Variants in FGF12 observed in about 807,000 individuals in gnomAD.
The protein encoded by FGF12 is fibroblast growth factor 12B.
FGF12 carries 14 observed loss-of-function variants against 23.6 expected under a neutral mutation model. The ratio of observed to expected loss-of-function variants is 0.59; its 90% CI spans 0.39 to 0.93. The LOEUF is 0.93. Among genes scored for constraint, FGF12 ranks in the 40% least tolerant of loss-of-function variants. The pLI is 0.00. For missense variants in FGF12, 175 were observed against 217.8 expected (o/e 0.80, Z 1.24); for synonymous variants, 62 against 77.3 (o/e 0.80, Z 1.04).
At chr3:192,476,319 G>A (rs1723322376) in intron 2 of FGF12, among the ~76,000 whole-genome samples, 1 of 150,220 alleles carries the variant, frequency 6.7e-6, no homozygotes, top group Non-Finnish European at 1.5e-5. Context: ...GTTTACAGAT[G>A]AAAAAAAAAT....
chr3:192,207,567 G>A (rs1332885227), intron 4 of FGF12, among the ~76,000 whole-genome samples: 1 of 152,200 alleles, frequency 6.6e-6, no homozygotes, highest in Non-Finnish European at 1.5e-5. Context: ...GAAGTGAAGT[G>A]TGGCTAGAGC....
rs2108776545 is a variant in FGF12 at position 192,408,650 on chromosome 3, T to C, written c.14-48112A>G. 9.7e-6 allele frequency: 10 copies of C among 1,029,634 alleles called. No homozygotes were observed. Among genetic ancestry groups the C allele is most frequent in the Non-Finnish European group, 1.2e-5 (10 of 857,478 alleles). The allele number at this position is 1,029,634 out of a possible 1,614,324, so 63.8% of individuals were successfully genotyped here. On this transcript the variant is annotated intron_variant, in intron 2 of 5. Transcript: ENST00000445105. The surrounding 1 kb of genome is among the most constrained non-coding windows in gnomAD (Gnocchi z 7.3). ...TGCCTCTGTTGGAGAGGCGCAAGCG[T>C]TGTAAGGTGTCCAAAGTATACCTAC...
intron 2 of FGF12, among the ~76,000 whole-genome samples, chr3:192,628,777 G>A (rs1036369870): frequency 3.3e-5 from 5 of 149,600 alleles, no homozygotes; most frequent in African/African-American, 1.2e-4. Flanking sequence ...AAAAGTTGAC[G>A]CAAAAGTAAT....
chr3:192,276,917 A>G (rs1360887756), intron 4 of FGF12, among the ~76,000 whole-genome samples: 1 of 152,098 alleles, frequency 6.6e-6, no homozygotes, highest in Non-Finnish European at 1.5e-5. Flanking sequence ...GAGTTTCCCT[A>G]CTCAGTCTAT....
At chr3:192,242,718 A>C (rs1177058101) in intron 4 of FGF12, among the ~76,000 whole-genome samples, 1 of 152,124 alleles carries the variant, frequency 6.6e-6, no homozygotes, top group Non-Finnish European at 1.5e-5. Context: ...CTCAAAAAAA[A>C]GTTAAAACCA....
chr3:192,384,872 G>A (rs1050584502), intron 2 of FGF12, among the ~76,000 whole-genome samples: 1 of 152,076 alleles, frequency 6.6e-6, no homozygotes, highest in Non-Finnish European at 1.5e-5. Context: ...GTAGAGAGAG[G>A]GTGAAAAGTG....
intron 4 of FGF12, among the ~76,000 whole-genome samples, chr3:192,217,339 T>C (rs1356912535): frequency 6.6e-6 from 1 of 152,212 alleles, no homozygotes; most frequent in African/African-American, 2.4e-5. Flanking sequence ...TAAGTACTTT[T>C]TCCATATTCT....
intron 2 of FGF12, among the ~76,000 whole-genome samples, chr3:192,564,982 C>G (rs1712210274): frequency 6.6e-6 from 1 of 152,198 alleles, no homozygotes; most frequent in Non-Finnish European, 1.5e-5. Context: ...CTACTGATCT[C>G]AAAACTACTG....
rs188252677 is a variant in FGF12, at chr3:192,269,411, A to G, written c.228+65950T>C. Among the ~76,000 whole-genome samples the G allele has an allele frequency of 3.0e-3, 450 of 152,322 alleles. 3 individuals carry two copies. Among genetic ancestry groups the G allele is most frequent in the Middle Eastern group, 0.017 (5 of 294 alleles). On this transcript the variant is annotated intron_variant, in intron 4 of 5. Coordinates refer to ENST00000445105, the MANE Select transcript of FGF12 (RefSeq NM_004113.6). ...ACAGCCATTTGTTGATCGTATACAC[A>G]GTACTGGTTAAATGTGAACTCTGCA...
At chr3:192,176,654 T>C (rs1386945509) in intron 4 of FGF12, among the ~76,000 whole-genome samples, 1 of 152,210 alleles carries the variant, frequency 6.6e-6, no homozygotes, top group African/African-American at 2.4e-5. Context: ...AATTCTCACA[T>C]TAAAAATGTT....
intron 2 of FGF12, among the ~76,000 whole-genome samples, chr3:192,581,329 G>A (rs529500001): frequency 2.4e-4 from 36 of 151,896 alleles, no homozygotes; most frequent in Admixed American, 1.3e-3. Flanking sequence ...ACTTTGGGAG[G>A]CTGAGGCAGG....
intron 2 of FGF12, among the ~76,000 whole-genome samples, chr3:192,468,556 T>G (rs560993253): frequency 1.3e-5 from 2 of 152,336 alleles, no homozygotes; most frequent in East Asian, 3.9e-4. Flanking sequence ...CGCATTTTTT[T>G]GAAAGGATGC....
chr3:192,640,318 A>C (rs1227459806), intron 2 of FGF12, among the ~76,000 whole-genome samples: 1 of 152,250 alleles, frequency 6.6e-6, no homozygotes, highest in Admixed American at 6.5e-5. Flanking sequence ...ATCATGTTGT[A>C]TATATCAAAT....
rs1713461886 is a variant in FGF12 at position 192,142,617 on chromosome 3, T to C, written c.*1392A>G. 6.7e-6 allele frequency: 1 copy of C among 148,550 alleles called. No individual in the cohort carries two copies. The highest frequency in any genetic ancestry group is 2.6e-5 in the African/African-American group (1 of 37,804). The allele number at this position is 148,550 out of a possible 1,614,324, so 9.2% of individuals were successfully genotyped here. On this transcript the variant is annotated 3_prime_UTR_variant, in exon 6 of 6. Transcript: ENST00000445105. ...TCTTCCTTGATTTTTAAAAATACTT[T>C]AGTATTCTTAACTATGTATGTGCCT...
chr3:192,285,920 A>G (rs951141129), intron 4 of FGF12, among the ~76,000 whole-genome samples: 1 of 152,064 alleles, frequency 6.6e-6, no homozygotes, highest in Non-Finnish European at 1.5e-5. Flanking sequence ...CTGGAGATAC[A>G]AAAATTAGCA....
chr3:192,333,825 C>T (rs1717250153), intron 4 of FGF12, among the ~76,000 whole-genome samples: 1 of 152,026 alleles, frequency 6.6e-6, no homozygotes, highest in Non-Finnish European at 1.5e-5. Flanking sequence ...GGGAGAATTA[C>T]AGGGTGATTA....
chr3:192,432,620 C>CAAAAAAAAAAAAAAAAAAAAAAAAAA (rs201364119), intron 2 of FGF12, among the ~76,000 whole-genome samples: 2 of 106,728 alleles, frequency 1.9e-5, no homozygotes, highest in Admixed American at 9.9e-5. Flanking sequence ...TGACATCTGG[C>CAAAAAAAAAAAAAAAAAAAAAAAAAA]AAAAAAAAAA....
At chr3:192,377,623 T>A (rs1719580944) in intron 2 of FGF12, among the ~76,000 whole-genome samples, 1 of 152,160 alleles carries the variant, frequency 6.6e-6, no homozygotes, top group Non-Finnish European at 1.5e-5. Context: ...ATCATTGTGG[T>A]TAGAACTGTG....
intron 2 of FGF12, among the ~76,000 whole-genome samples, chr3:192,481,149 T>C (rs888050408): frequency 6.6e-6 from 1 of 152,182 alleles, no homozygotes; most frequent in Non-Finnish European, 1.5e-5. Context: ...ATACTGCATA[T>C]AAGAGAAATT....
Sources: allele counts gnomAD v4.1 joint callset (sites outside exome capture counted in the v4.1 genomes callset), GRCh38; gene constraint gnomAD v4.1.1; non-coding constraint Gnocchi (gnomAD v3.1); transcripts MANE v1.5; gene names NCBI Gene and HGNC (gene_info 2026-07-23, HGNC 2026-07-21).